SEMA3A: variants seen among roughly 807,000 people sequenced by gnomAD.
SEMA3A encodes the protein semaphorin 3A.
A neutral mutation model predicts 97.9 loss-of-function variants in SEMA3A; 29 were observed. That is an observed-to-expected ratio of 0.30 (90% CI 0.22 to 0.40). SEMA3A has a LOEUF of 0.40. Ranked by LOEUF, SEMA3A falls within the 10% of genes least tolerant of loss-of-function variation. SEMA3A has a pLI of 1.00. For synonymous variants in SEMA3A, 321 were observed against 323.7 expected, an observed-to-expected ratio of 0.99 and a Z score of 0.09; for missense variants, 763 against 951.3, an observed-to-expected ratio of 0.80 and a Z score of 2.60.
intron 2 of SEMA3A, among the ~76,000 whole-genome samples, chr7:84,319,512 G>T (rs1801595516): frequency 6.6e-6 from 1 of 151,934 alleles, no homozygotes; most frequent in Non-Finnish European, 1.5e-5. Context: ...TTATTAGCCA[G>T]GAGATTCACA....
At chr7:84,294,109 G>T (rs779209575) in intron 3 of SEMA3A, among the ~76,000 whole-genome samples, 32 of 151,948 alleles carry the variant, frequency 2.1e-4, no homozygotes, top group Non-Finnish European at 3.5e-4. Flanking sequence ...TGAACATTTT[G>T]TATATTTTTG....
At chr7:84,341,964 C>CA in intron 2 of SEMA3A, among the ~76,000 whole-genome samples, 1 of 152,252 alleles carries the variant, frequency 6.6e-6, no homozygotes, top group East Asian at 1.9e-4. Context: ...ACTTTCTACT[C>CA]ATTCTTCACA....
chr7:84,444,667 T>C (rs1805360955), intron 1 of SEMA3A, among the ~76,000 whole-genome samples: 1 of 151,412 alleles, frequency 6.6e-6, no homozygotes, highest in African/African-American at 2.4e-5. Context: ...CTTCACGCCA[T>C]TCTCCTGCCT....
chr7:84,376,863 T>C (rs1803118384), intron 1 of SEMA3A, among the ~76,000 whole-genome samples: 1 of 152,046 alleles, frequency 6.6e-6, no homozygotes, highest in Non-Finnish European at 1.5e-5. Flanking sequence ...TGTATGTATG[T>C]ATGTATGTAT....
chr7:84,288,493 T>C (rs1264962609), intron 3 of SEMA3A, among the ~76,000 whole-genome samples: 1 of 151,234 alleles, frequency 6.6e-6, no homozygotes, highest in East Asian at 2.0e-4. Context: ...AGGTCAGGAG[T>C]TCAAGACCAG....
chr7:84,277,896 C>G (rs73384863), intron 3 of SEMA3A, among the ~76,000 whole-genome samples: 197 of 152,214 alleles, frequency 1.3e-3, no homozygotes, highest in African/African-American at 4.6e-3. Flanking sequence ...ATGCAAATTG[C>G]TCTAGCAAGT....
intron 12 of SEMA3A, among the ~76,000 whole-genome samples, chr7:83,985,735 T>C (rs945901904): frequency 4.6e-5 from 7 of 152,162 alleles, no homozygotes; most frequent in African/African-American, 1.7e-4. Flanking sequence ...CTTACTACAA[T>C]ATAAGGGAAA....
intron 1 of SEMA3A, among the ~76,000 whole-genome samples, chr7:84,456,133 G>A (rs925824165): frequency 6.6e-6 from 1 of 151,686 alleles, no homozygotes; most frequent in Admixed American, 6.6e-5. Context: ...TATTTCATGC[G>A]CTTCACAACT....
intron 1 of SEMA3A, among the ~76,000 whole-genome samples, chr7:84,165,489 GA>G (rs113018321): frequency 0.13 from 18,746 of 149,878 alleles, 1,218 homozygotes; most frequent in Middle Eastern, 0.18. Context: ...CTGTTCTAGT[GA>G]AAAAAAAAAT....
At chr7:84,445,044 A>T (rs1021077524) in intron 1 of SEMA3A, among the ~76,000 whole-genome samples, 6 of 152,182 alleles carry the variant, frequency 3.9e-5, no homozygotes, top group Non-Finnish European at 8.8e-5. Flanking sequence ...GAGTGCCTCA[A>T]ACTAGATCCT....
chr7:84,126,359 C>A (rs1469683814), intron 3 of SEMA3A, among the ~76,000 whole-genome samples: 6 of 152,076 alleles, frequency 3.9e-5, no homozygotes, highest in African/African-American at 1.4e-4. Flanking sequence ...GCATGTGCCA[C>A]CACGCCTGGC....
rs1480556609 is a variant in SEMA3A, at chr7:83,977,138, G to A, written c.1711C>T (p.His571Tyr). Residue 571 changes from histidine to tyrosine, a missense_variant, in exon 15 of 17, where the codon CAC becomes TAC. Physicochemically the swap from His to Tyr is moderately conservative, Grantham distance 83. Coordinates refer to ENST00000265362, the MANE Select transcript of SEMA3A (RefSeq NM_006080.3). ...GATGAAAAATGTGACTTACCATGGTGTAAGTCTGAACAGTGAGTCAGTGGG... is the reference window on the plus strand; with the variant it reads ...GATGAAAAATGTGACTTACCATGGTATAAGTCTGAACAGTGAGTCAGTGGG... ...GDPLTHCSDL[H>Y]HDNHHGHSPE... 6.4e-7 allele frequency: 1 copy of A among 1,559,814 alleles called. No individual in the cohort carries two copies. Among genetic ancestry groups the A allele is most frequent in the Admixed American group, 1.8e-5 (1 of 55,526 alleles).
At chr7:84,185,307 A>G (rs1035764897) in intron 1 of SEMA3A, among the ~76,000 whole-genome samples, 2 of 152,042 alleles carry the variant, frequency 1.3e-5, no homozygotes, top group African/African-American at 4.8e-5. Context: ...GTTGTCTAAT[A>G]TATATTATCA....
chr7:84,353,821 A>T (rs1359052686), intron 2 of SEMA3A, among the ~76,000 whole-genome samples: 1 of 151,700 alleles, frequency 6.6e-6, no homozygotes, highest in East Asian at 1.9e-4. Flanking sequence ...GGAATCTAAC[A>T]TAAAAAGTAA....
At chr7:84,248,752 C>CCTCT (rs750187889) in intron 3 of SEMA3A, among the ~76,000 whole-genome samples, 1 of 151,904 alleles carries the variant, frequency 6.6e-6, no homozygotes, top group Non-Finnish European at 1.5e-5. Flanking sequence ...TCCCTCCCTC[C>CCTCT]CTCTCTCTCT....
chr7:84,021,324 A>T (rs1218726075), intron 6 of SEMA3A, among the ~76,000 whole-genome samples: 1 of 152,166 alleles, frequency 6.6e-6, no homozygotes, highest in Middle Eastern at 3.2e-3. Context: ...ATTCTTTTTA[A>T]AATATCTGCA....
intron 2 of SEMA3A, among the ~76,000 whole-genome samples, chr7:84,132,518 G>A (rs78452966): frequency 0.021 from 3,218 of 151,642 alleles, 108 homozygotes; most frequent in African/African-American, 0.073. Flanking sequence ...ATAATCTTAG[G>A]TATTCTATGC....
At chr7:84,098,064 A>G (rs942702628) in intron 4 of SEMA3A, among the ~76,000 whole-genome samples, 9 of 152,010 alleles carry the variant, frequency 5.9e-5, no homozygotes, top group African/African-American at 2.2e-4. Context: ...AAAGAGTATG[A>G]CCATCTTCTG....
intron 6 of SEMA3A, among the ~76,000 whole-genome samples, chr7:84,040,705 TC>T (rs1311780519): frequency 5.3e-5 from 8 of 151,848 alleles, no homozygotes; most frequent in Non-Finnish European, 1.0e-4. Flanking sequence ...CAGCAGTAAA[TC>T]CCTATTGAGA....
Sources: gnomAD v4.1 joint callset for allele counts (sites outside exome capture counted in the v4.1 genomes callset) on GRCh38, gnomAD v4.1.1 for gene constraint, MANE v1.5 for transcripts, NCBI Gene and HGNC (gene_info 2026-07-23, HGNC 2026-07-21) for gene names.